The following TTLL11 variants were observed in gnomAD, a reference collection of about 807,000 sequenced individuals.
The protein encoded by TTLL11 is tubulin tyrosine ligase like 11, also known as tubulin polyglutamylase TTLL11.
A neutral mutation model predicts 51.7 loss-of-function variants in TTLL11; 42 were observed. That is an observed-to-expected ratio of 0.81 (90% CI 0.64 to 1.05). The LOEUF (loss-of-function observed/expected upper bound fraction) is 1.05, where lower values mean the gene tolerates loss of function less well. Ranked by LOEUF, TTLL11 falls within the 50% of genes least tolerant of loss-of-function variation. The pLI is 0.00. For synonymous variants in TTLL11, 381 were observed against 383.5 expected, an observed-to-expected ratio of 0.99 and a Z score of 0.08; for missense variants, 799 against 940.4, an observed-to-expected ratio of 0.85 and a Z score of 1.97.
At chr9:121,926,289 G>T (rs1458874500) in intron 6 of TTLL11, among the ~76,000 whole-genome samples, 2 of 152,176 alleles carry the variant, frequency 1.3e-5, no homozygotes, top group Non-Finnish European at 2.9e-5. Flanking sequence ...TCAGGGCAAA[G>T]GATTGCCACG....
chr9:121,888,770 T>C (rs1445655240), intron 6 of TTLL11, among the ~76,000 whole-genome samples: 1 of 152,256 alleles, frequency 6.6e-6, no homozygotes, highest in Non-Finnish European at 1.5e-5. Context: ...GAATTTTTCC[T>C]TGCATAACTG....
intron 6 of TTLL11, among the ~76,000 whole-genome samples, chr9:121,969,201 A>G (rs760127787): frequency 4.6e-5 from 7 of 152,094 alleles, no homozygotes; most frequent in Non-Finnish European, 8.8e-5. Flanking sequence ...CATTATCCCC[A>G]TTTTATAGAA....
At chr9:121,990,017 TG>T (rs949554185) in intron 3 of TTLL11, among the ~76,000 whole-genome samples, 12 of 152,216 alleles carry the variant, frequency 7.9e-5, no homozygotes, top group Non-Finnish European at 1.5e-4. Flanking sequence ...TCACAAGACC[TG>T]GGTTCAAATC....
chr9:121,826,389 ATATATATATGGGTT>A (rs1257820346), intron 8 of TTLL11, among the ~76,000 whole-genome samples: 5 of 137,150 alleles, frequency 3.6e-5, no homozygotes, highest in East Asian at 4.3e-4. Context: ...GTGTGGGTGT[ATATATATATGGGTT>A]TATATATATG....
At chr9:121,861,092 T>G (rs1267023377) in intron 7 of TTLL11, among the ~76,000 whole-genome samples, 2 of 151,824 alleles carry the variant, frequency 1.3e-5, no homozygotes, top group South Asian at 2.1e-4. Context: ...CAAGTGTTTT[T>G]TTTTTTTTTT....
intron 8 of TTLL11, among the ~76,000 whole-genome samples, chr9:121,838,758 G>GCA (rs1564266562): frequency 1.1e-5 from 1 of 90,704 alleles, no homozygotes; most frequent in Non-Finnish European, 2.8e-5. Flanking sequence ...GAAAGAAAGA[G>GCA]AGAAAGCAAG....
chr9:121,845,999 C>T (rs1367033563), intron 8 of TTLL11, among the ~76,000 whole-genome samples: 1 of 151,886 alleles, frequency 6.6e-6, no homozygotes, highest in Non-Finnish European at 1.5e-5. Context: ...AAAAACGAGA[C>T]CCAACTGAAA....
chr9:121,823,918 T>C (rs932161264), intron 8 of TTLL11, among the ~76,000 whole-genome samples: 1 of 152,150 alleles, frequency 6.6e-6, no homozygotes, highest in Non-Finnish European at 1.5e-5. Flanking sequence ...CCTTCCCTGA[T>C]CCCCAGATTA....
At chr9:122,085,747 T>C (rs1418031401) in intron 1 of TTLL11, among the ~76,000 whole-genome samples, 1 of 152,232 alleles carries the variant, frequency 6.6e-6, no homozygotes, top group Non-Finnish European at 1.5e-5. Context: ...TCAATTTACA[T>C]ACATTCCCTC....
intron 3 of TTLL11, among the ~76,000 whole-genome samples, chr9:121,997,796 T>A (rs1225022845): frequency 6.6e-6 from 1 of 152,198 alleles, no homozygotes; most frequent in Non-Finnish European, 1.5e-5. Flanking sequence ...TCTCAGCTCC[T>A]GCCTATCCTA....
At chr9:121,948,168 G>C (rs1447948359) in intron 6 of TTLL11, among the ~76,000 whole-genome samples, 1 of 149,860 alleles carries the variant, frequency 6.7e-6, no homozygotes, top group Non-Finnish European at 1.5e-5. Flanking sequence ...CTATTTTACA[G>C]AGGAGAACAT....
At chr9:121,909,077 C>G (rs1840029559) in intron 6 of TTLL11, among the ~76,000 whole-genome samples, 1 of 152,118 alleles carries the variant, frequency 6.6e-6, no homozygotes, top group South Asian at 2.1e-4. Flanking sequence ...TTTATCCATC[C>G]CTTCATGTGT....
At chr9:121,875,390 G>A (rs1034596355) in intron 6 of TTLL11, among the ~76,000 whole-genome samples, 1 of 152,154 alleles carries the variant, frequency 6.6e-6, no homozygotes, top group African/African-American at 2.4e-5. Context: ...GAATGAGTCT[G>A]TTTTTTCTTC....
rs973667840 is a variant in TTLL11 at position 121,819,911 on chromosome 9, G to T, written c.*2676C>A. On this transcript the variant is annotated 3_prime_UTR_variant, in exon 9 of 9. Transcript: ENST00000321582. The stretch of plus-strand genomic sequence containing the variant: ...TCAGTTATCACTCATTCTGACAATG[G>T]AGCAGCCTCGAAATGCTTTCAGTTA... Among the ~76,000 whole-genome samples, 2 of 152,220 alleles carry T rather than the reference G, an allele frequency of 1.3e-5. No individual in the cohort carries two copies. Among genetic ancestry groups the T allele is most frequent in the Admixed American group, 1.3e-4 (2 of 15,288 alleles).
chr9:122,047,540 T>C (rs997235190), intron 1 of TTLL11, among the ~76,000 whole-genome samples: 5 of 150,046 alleles, frequency 3.3e-5, no homozygotes, highest in Admixed American at 6.6e-5. Context: ...CAGAAGAGAA[T>C]GAACCCAGCG....
intron 4 of TTLL11, among the ~76,000 whole-genome samples, chr9:121,983,992 A>G (rs1842884058): frequency 6.6e-6 from 1 of 152,208 alleles, no homozygotes; most frequent in South Asian, 2.1e-4. Flanking sequence ...GCACCTTAGA[A>G]GGCGTTGAAG....
intron 6 of TTLL11, among the ~76,000 whole-genome samples, chr9:121,941,745 C>T (rs1336334517): frequency 6.6e-6 from 1 of 152,188 alleles, no homozygotes; most frequent in Non-Finnish European, 1.5e-5. Context: ...TGACCCTGCT[C>T]ATCTTCGGGA....
intron 3 of TTLL11, among the ~76,000 whole-genome samples, chr9:121,997,597 G>A (rs945532486): frequency 3.9e-5 from 6 of 152,166 alleles, no homozygotes; most frequent in African/African-American, 1.2e-4. Context: ...TCGGAGTCAG[G>A]CAGACCTGGG....
At chr9:121,911,257 C>T (rs1197339373) in intron 6 of TTLL11, among the ~76,000 whole-genome samples, 2 of 152,060 alleles carry the variant, frequency 1.3e-5, no homozygotes, top group East Asian at 3.9e-4. Context: ...ATTAGCCAGG[C>T]ATGGTGGCGG....
Sources: gnomAD v4.1 joint callset for allele counts (sites outside exome capture counted in the v4.1 genomes callset) on GRCh38, gnomAD v4.1.1 for gene constraint, MANE v1.5 for transcripts, NCBI Gene and HGNC (gene_info 2026-07-23, HGNC 2026-07-21) for gene names.